ROBO1: variants seen among roughly 807,000 people sequenced by gnomAD.
The protein encoded by ROBO1 is roundabout guidance receptor 1.
In ROBO1, 149 loss-of-function variants were observed where a neutral mutation model predicts 195.9. The ratio of observed to expected loss-of-function variants is 0.76; its 90% confidence interval spans 0.67 to 0.87. The LOEUF is 0.87. Among genes scored for constraint, ROBO1 ranks in the 40% least tolerant of loss-of-function variants. The pLI is 0.00. For synonymous variants in ROBO1, 816 were observed against 733.2 expected (o/e 1.11, Z -1.82); for missense variants, 1,933 against 2,068.3 (o/e 0.93, Z 1.27).
intron 5 of ROBO1, among the ~76,000 whole-genome samples, chr3:78,725,487 T>C (rs1451782757): frequency 6.6e-6 from 1 of 152,172 alleles, no homozygotes; most frequent in Non-Finnish European, 1.5e-5. Context: ...GACTACTTTT[T>C]TTAGGGGTAA....
intron 2 of ROBO1, among the ~76,000 whole-genome samples, chr3:79,411,217 T>G (rs2037750110): frequency 6.6e-6 from 1 of 152,150 alleles, no homozygotes; most frequent in Admixed American, 6.6e-5. Context: ...CATTGACTAT[T>G]CTTGCCAGTT....
intron 4 of ROBO1, among the ~76,000 whole-genome samples, chr3:78,772,117 G>A (rs1480425497): frequency 1.3e-5 from 2 of 151,950 alleles, no homozygotes; most frequent in Non-Finnish European, 2.9e-5. Context: ...AAATACCAGT[G>A]CCTAATATGA....
chr3:79,582,367 A>G (rs1455911180), intron 2 of ROBO1, among the ~76,000 whole-genome samples: 2 of 151,838 alleles, frequency 1.3e-5, no homozygotes, highest in Middle Eastern at 3.4e-3. Flanking sequence ...ACCTATCTGA[A>G]TAACTCCAGA....
At chr3:79,242,895 A>G (rs527551189) in intron 2 of ROBO1, among the ~76,000 whole-genome samples, 25 of 152,022 alleles carry the variant, frequency 1.6e-4, no homozygotes, top group Non-Finnish European at 3.2e-4. Flanking sequence ...GGTTTGTTAC[A>G]TATGTATACA....
intron 4 of ROBO1, among the ~76,000 whole-genome samples, chr3:78,932,566 C>A (rs1291010901): frequency 6.6e-6 from 1 of 152,074 alleles, no homozygotes; most frequent in Non-Finnish European, 1.5e-5. Flanking sequence ...GAGAGTCAAA[C>A]TTTTCCATTT....
chr3:79,233,331 A>G (rs908767242), intron 2 of ROBO1, among the ~76,000 whole-genome samples: 2 of 152,136 alleles, frequency 1.3e-5, no homozygotes, highest in African/African-American at 4.8e-5. Context: ...AATTGTAGAC[A>G]AGGAAATATA....
chr3:79,681,715 A>T (rs1946954892), intron 1 of ROBO1, among the ~76,000 whole-genome samples: 1 of 151,946 alleles, frequency 6.6e-6, no homozygotes, highest in African/African-American at 2.4e-5. Flanking sequence ...GAGATTTGGT[A>T]GGCCTACTCT....
At chr3:79,156,466 A>G (rs763196023) in intron 2 of ROBO1, among the ~76,000 whole-genome samples, 1 of 151,838 alleles carries the variant, frequency 6.6e-6, no homozygotes, top group Non-Finnish European at 1.5e-5. Flanking sequence ...ATTATTGATT[A>G]AAATAGCATT....
chr3:79,357,060 T>C (rs2035585851), intron 2 of ROBO1, among the ~76,000 whole-genome samples: 1 of 152,192 alleles, frequency 6.6e-6, no homozygotes, highest in Admixed American at 6.5e-5. Flanking sequence ...AATCATTACA[T>C]TTATCTTTAT....
At chr3:79,043,595 G>A (rs2078529654) in intron 3 of ROBO1, among the ~76,000 whole-genome samples, 1 of 151,548 alleles carries the variant, frequency 6.6e-6, no homozygotes, top group Non-Finnish European at 1.5e-5. Flanking sequence ...TCTTGCAAAC[G>A]ACTGGTTTTA....
intron 2 of ROBO1, among the ~76,000 whole-genome samples, chr3:79,355,183 CAAACAAAA>C (rs965062267): frequency 1.3e-5 from 2 of 150,294 alleles, no homozygotes; most frequent in African/African-American, 4.9e-5. Flanking sequence ...AACAAACAAA[CAAACAAAA>C]AAAAAACCAT....
intron 4 of ROBO1, among the ~76,000 whole-genome samples, chr3:78,810,388 C>G (rs1214904657): frequency 6.6e-6 from 1 of 151,746 alleles, no homozygotes; most frequent in African/African-American, 2.4e-5. Flanking sequence ...TTGCTGTATG[C>G]ATGGGAAAGT....
chr3:79,105,654 G>A (rs1386876178), intron 3 of ROBO1, among the ~76,000 whole-genome samples: 1 of 151,714 alleles, frequency 6.6e-6, no homozygotes. Flanking sequence ...TATTGACATT[G>A]TTAAAATGTT....
At chr3:79,751,597 G>A (rs1201172866) in intron 1 of ROBO1, among the ~76,000 whole-genome samples, 1 of 152,106 alleles carries the variant, frequency 6.6e-6, no homozygotes, top group Non-Finnish European at 1.5e-5. Flanking sequence ...ACTACCCACT[G>A]TTAAATGTAC....
At chr3:78,810,068 G>C (rs2084686827) in intron 4 of ROBO1, among the ~76,000 whole-genome samples, 1 of 152,070 alleles carries the variant, frequency 6.6e-6, no homozygotes, top group Admixed American at 6.6e-5. Flanking sequence ...TCCCAGGTTG[G>C]AGTGAGATGC....
chr3:78,949,392 C>T (rs1335377457), intron 3 of ROBO1, among the ~76,000 whole-genome samples: 1 of 138,310 alleles, frequency 7.2e-6, no homozygotes, highest in Non-Finnish European at 1.6e-5. Context: ...ACAAACCTGA[C>T]AAAAACAAGC....
chr3:78,630,398 C>T (rs1461061759), intron 25 of ROBO1, among the ~76,000 whole-genome samples: 2 of 152,072 alleles, frequency 1.3e-5, no homozygotes, highest in African/African-American at 4.8e-5. Flanking sequence ...TATTAGAAAC[C>T]TGAAGCACAG....
intron 2 of ROBO1, among the ~76,000 whole-genome samples, chr3:79,253,158 C>T (rs2082764379): frequency 6.6e-6 from 1 of 151,790 alleles, no homozygotes; most frequent in Non-Finnish European, 1.5e-5. Context: ...AGTGTGTAGA[C>T]AAAAAAGAAA....
intron 1 of ROBO1, among the ~76,000 whole-genome samples, chr3:79,707,947 AT>A (rs1576261878): frequency 1.3e-5 from 2 of 152,190 alleles, no homozygotes; most frequent in East Asian, 3.9e-4. Flanking sequence ...AACATAACTT[AT>A]ATTGGCTCTA....
Sources: gnomAD v4.1 joint callset for allele counts (sites outside exome capture counted in the v4.1 genomes callset) on GRCh38, gnomAD v4.1.1 for gene constraint, MANE v1.5 for transcripts, NCBI Gene and HGNC (gene_info 2026-07-23, HGNC 2026-07-21) for gene names.